Variants in ANKRD55 observed in about 807,000 individuals in gnomAD.
ANKRD55 encodes ankyrin repeat domain 55, also known as ankyrin repeat domain-containing protein 55.
In ANKRD55, 41 loss-of-function variants were observed where a neutral mutation model predicts 60.6. The ratio of observed to expected loss-of-function variants is 0.68; its 90% CI spans 0.53 to 0.88. The LOEUF (loss-of-function observed/expected upper bound fraction) is 0.88. Ranked by LOEUF, ANKRD55 falls within the 40% of genes least tolerant of loss-of-function variation. ANKRD55 has a pLI of 0.00. For missense variants in ANKRD55, 732 were observed against 767.6 expected (o/e 0.95, Z 0.55); for synonymous variants, 264 against 290.3 (o/e 0.91, Z 0.92).
intron 6 of ANKRD55, among the ~76,000 whole-genome samples, chr5:56,147,562 C>A (rs566362634): frequency 1.3e-5 from 2 of 152,124 alleles, no homozygotes; most frequent in East Asian, 1.9e-4. Flanking sequence ...CCCAGTTCAC[C>A]GTCACCACAA....
chr5:56,142,306 C>T (rs1454844575), intron 7 of ANKRD55, among the ~76,000 whole-genome samples: 2 of 152,116 alleles, frequency 1.3e-5, no homozygotes, highest in East Asian at 1.9e-4. Context: ...TGCACTCTGG[C>T]CTGGGCTACA....
At chr5:56,130,586 C>A (rs567870237) in intron 7 of ANKRD55, among the ~76,000 whole-genome samples, 4 of 152,040 alleles carry the variant, frequency 2.6e-5, no homozygotes, top group Non-Finnish European at 1.5e-5. Context: ...GTCTGGCTAT[C>A]GAGAAAAAAT....
chr5:56,193,424 C>A (rs1307248581), intron 2 of ANKRD55: 1 of 576,328 alleles, frequency 1.7e-6, no homozygotes, highest in Non-Finnish European at 3.1e-6. Context: ...AACTATTATC[C>A]TCCTGTAGAG....
At chr5:56,187,389 G>A (rs1007319070) in intron 2 of ANKRD55, among the ~76,000 whole-genome samples, 11 of 152,202 alleles carry the variant, frequency 7.2e-5, no homozygotes, top group African/African-American at 2.4e-4. Context: ...GACAATGACC[G>A]GGATTTAAAC....
intron 7 of ANKRD55, among the ~76,000 whole-genome samples, chr5:56,131,629 C>T (rs934945520): frequency 1.3e-5 from 2 of 151,560 alleles, no homozygotes; most frequent in Non-Finnish European, 2.9e-5. Context: ...AACCCCGTCT[C>T]TGCTAAAAAT....
chr5:56,125,088 C>G (rs1757202387), intron 8 of ANKRD55, among the ~76,000 whole-genome samples: 1 of 152,118 alleles, frequency 6.6e-6, no homozygotes, highest in African/African-American at 2.4e-5. Flanking sequence ...AAAATGGGAA[C>G]TATTCTGTTC....
At chr5:56,209,535 C>T (rs1398448593) in intron 2 of ANKRD55, among the ~76,000 whole-genome samples, 1 of 149,204 alleles carries the variant, frequency 6.7e-6, no homozygotes, top group Non-Finnish European at 1.5e-5. Flanking sequence ...GGTGCGATCT[C>T]GGCTCACTGC....
At chr5:56,219,526 G>A (rs909465767) in intron 2 of ANKRD55, among the ~76,000 whole-genome samples, 54 of 152,158 alleles carry the variant, frequency 3.5e-4, no homozygotes, top group African/African-American at 1.3e-3. Flanking sequence ...CCTACATACT[G>A]ATTGAAGGTA....
intron 6 of ANKRD55, among the ~76,000 whole-genome samples, chr5:56,152,866 C>T (rs527584231): frequency 5.9e-5 from 9 of 151,918 alleles, no homozygotes; most frequent in Non-Finnish European, 1.2e-4. Flanking sequence ...ATAACATAAT[C>T]CAGTTCTTGG....
chr5:56,184,462 A>G (rs1758923306), intron 2 of ANKRD55, among the ~76,000 whole-genome samples: 1 of 152,226 alleles, frequency 6.6e-6, no homozygotes, highest in Non-Finnish European at 1.5e-5. Flanking sequence ...CTGTCCCTTC[A>G]TGAAAGTCTC....
chr5:56,150,225 G>C lies in ANKRD55; in HGVS notation c.484-6296C>G, dbSNP rs148752310. ...ACCCACAGTAGTATAAACAGTACCT[G>C]TGACTTTGCCACCTCTATAAATTAT... On this transcript the variant is annotated intron_variant, in intron 6 of 11. Transcript: ENST00000341048. 2.6e-3 allele frequency among the ~76,000 whole-genome samples: 402 copies of C among 152,222 alleles called. 3 individuals are homozygous for C. Among genetic ancestry groups the C allele is most frequent in the African/African-American group, 9.2e-3 (381 of 41,542 alleles).
chr5:56,137,283 G>T, intron 7 of ANKRD55: 2 of 1,594,162 alleles, frequency 1.3e-6, no homozygotes, highest in Non-Finnish European at 8.5e-7. Flanking sequence ...GAGTAATGCT[G>T]AACTTATGGG....
chr5:56,213,379 A>C (rs1759723709), intron 2 of ANKRD55, among the ~76,000 whole-genome samples: 1 of 152,184 alleles, frequency 6.6e-6, no homozygotes, highest in African/African-American at 2.4e-5. Context: ...AGGGAATTGG[A>C]CCACTGAAGG....
At chr5:56,173,606 A>ATC in intron 4 of ANKRD55, among the ~76,000 whole-genome samples, 2 of 128,536 alleles carry the variant, frequency 1.6e-5, no homozygotes, top group South Asian at 5.1e-4. Flanking sequence ...ATATATATAT[A>ATC]TCTTGGCTCA....
At chr5:56,107,867 A>G (rs1462152313) in intron 10 of ANKRD55, among the ~76,000 whole-genome samples, 2 of 146,598 alleles carry the variant, frequency 1.4e-5, no homozygotes, top group Non-Finnish European at 3.1e-5. Context: ...TGTGATAGCA[A>G]TAAACTTTTT....
rs777147140 is a variant in ANKRD55, at chr5:56,111,214, A to G, written c.1534T>C (p.Ser512Pro). The G allele has an allele frequency of 9.9e-6, 16 of 1,614,214 alleles. No individual in the cohort carries two copies. In the South Asian group the frequency reaches 1.6e-4, roughly 17 times the overall value. Residue 512 changes from serine to proline, a missense_variant, in exon 10 of 12, where the codon TCT (serine) becomes CCT (proline). By Grantham distance (74) the Ser-to-Pro change is moderately conservative. Around this residue, in one of 3 missense-constraint regions of ANKRD55, gnomAD observed 597 missense variants for 607.5 expected, o/e 0.98. Transcript: ENST00000341048. ...FSYKVWTVSS[S>P]DKLLDRLLSV... is the part of the protein sequence containing the mutation. ...AGCAATCTGTCCAGCAGCTTATCAG[A>G]AGAAGACACAGTCCAAACTTTGTAG...
chr5:56,135,320 T>G (rs1023436860), intron 7 of ANKRD55, among the ~76,000 whole-genome samples: 2 of 15,236 alleles, frequency 1.3e-4, no homozygotes, highest in African/African-American at 8.0e-4. Context: ...TCTTTCTTTC[T>G]TTCTTTCTTT....
chr5:56,109,798 G>A (rs1346682872), intron 10 of ANKRD55, among the ~76,000 whole-genome samples: 1 of 152,142 alleles, frequency 6.6e-6, no homozygotes, highest in Non-Finnish European at 1.5e-5. Flanking sequence ...GGGACGGGTG[G>A]ATCACGAGGT....
chr5:56,121,486 C>T (rs189181454), intron 8 of ANKRD55, among the ~76,000 whole-genome samples: 251 of 151,522 alleles, frequency 1.7e-3, no homozygotes, highest in Middle Eastern at 0.01. Context: ...GATTCTCCTG[C>T]CTCAGCCTCC....
Sources: allele counts gnomAD v4.1 joint callset (sites outside exome capture counted in the v4.1 genomes callset), GRCh38; gene constraint gnomAD v4.1.1; regional missense constraint gnomAD v4.1.1; transcripts MANE v1.5; gene names NCBI Gene and HGNC (gene_info 2026-07-23, HGNC 2026-07-21).